The following C1orf74 variants were observed in gnomAD, a reference collection of about 807,000 sequenced individuals.
The protein encoded by C1orf74 is UPF0739 protein C1orf74.
A neutral mutation model predicts 7.3 loss-of-function variants in C1orf74; 5 were observed. The observed-to-expected ratio is 0.68, with a 90% confidence interval of 0.36 to 1.44. C1orf74 has a LOEUF of 1.44. C1orf74 is among the 40% of genes most tolerant of loss of function. The probability of loss-of-function intolerance (pLI) is 0.04; values close to 1 mark genes in which losing one functional copy is unlikely to be tolerated. For missense variants in C1orf74, 291 were observed against 314.3 expected (o/e 0.93, Z 0.56); for synonymous variants, 121 against 132.5 (o/e 0.91, Z 0.59).
Position 209,782,877 on chromosome 1 carries a change from G to A in C1orf74, c.758C>T (p.Ala253Val), listed in dbSNP as rs2077805756. The A allele has an allele frequency of 3.7e-6, 6 of 1,614,032 alleles. No homozygotes were observed. The highest frequency in any genetic ancestry group is 2.5e-6 in the Non-Finnish European group (3 of 1,180,036). Residue 253 changes from alanine to valine, a missense_variant, in exon 2 of 2, where the codon GCT becomes GTT. By Grantham distance (64) the Ala-to-Val change is moderately conservative (BLOSUM62 0). Coordinates refer to ENST00000294811, the MANE Select transcript of C1orf74 (RefSeq NM_152485.4). Reference sequence around the variant, plus strand: ...TATCTCAGAGGAGATGCTGAGATCAGCAAAGTCATTCTGAGTCCTAAATCG... The same window carrying A: ...TATCTCAGAGGAGATGCTGAGATCAACAAAGTCATTCTGAGTCCTAAATCG... ...RTRFRTQNDF[A>V]DLSISSEIVT... is the part of the protein sequence containing the mutation.
chr1:209,783,899 C>A (rs1015024220), intron 1 of C1orf74, among the ~76,000 whole-genome samples, 190 bp from the exon 2 acceptor site: 1 of 152,064 alleles, frequency 6.6e-6, no homozygotes, highest in Non-Finnish European at 1.5e-5. Flanking sequence ...GTTTTTCTAG[C>A]CTTATAGCTA....
In C1orf74 at chr1:209,780,203, C is replaced by A; in HGVS notation, c.*2622G>T. On this transcript the variant is annotated 3_prime_UTR_variant, in exon 2 of 2. Coordinates refer to ENST00000294811, the MANE Select transcript of C1orf74 (RefSeq NM_152485.4). ...ATGAAATTCAATTAAGAAGTATTCA[C>A]TAAAACTATCTAGCACTAGATAAGA... 1 of 248,636 alleles carries A rather than the reference C, an allele frequency of 4.0e-6. No homozygotes were observed. Among genetic ancestry groups the A allele is most frequent in the African/African-American group, 2.2e-5 (1 of 45,028 alleles). The allele number at this position is 248,636 out of a possible 1,614,324, so 15.4% of individuals were successfully genotyped here. A position where few individuals can be genotyped will look rare whatever the true frequency, so the allele number is the denominator to read the frequency against.
chr1:209,781,688 TAGC>T lies in C1orf74; in HGVS notation c.*1134_*1136del. ...AATGCCAGAAGGAAAGACTTACTCTTAGCTAAAGTATGAAAGGGTGTTCTTTTA... is the reference window on the plus strand; with the variant it reads ...AATGCCAGAAGGAAAGACTTACTCTTTAAAGTATGAAAGGGTGTTCTTTTA... On this transcript the variant is annotated 3_prime_UTR_variant, in exon 2 of 2. Coordinates refer to ENST00000294811, the MANE Select transcript of C1orf74 (RefSeq NM_152485.4). 2.0e-6 allele frequency: 1 copy of T among 501,146 alleles called. No homozygotes were observed. Among genetic ancestry groups the T allele is most frequent in the Non-Finnish European group, 3.6e-6 (1 of 278,452 alleles). The allele number at this position is 501,146 out of a possible 1,614,324, so 31.0% of individuals were successfully genotyped here. A position where few individuals can be genotyped will look rare whatever the true frequency, so the allele number is the denominator to read the frequency against.
In C1orf74 at chr1:209,780,484, G is replaced by T. The variant is rs758375285; in HGVS notation, c.*2341C>A. The T allele has an allele frequency of 1.9e-6, 3 of 1,592,492 alleles. No homozygotes were observed. The highest frequency in any genetic ancestry group is 1.7e-5 in the Admixed American group (1 of 58,182). ...TGCTTTTTTAGATCAGGCTTTGCCC[G>T]TGTGGAGTCCAAAGTCCTTCCCTAA... On this transcript the variant is annotated 3_prime_UTR_variant, in exon 2 of 2. Transcript: ENST00000294811.
Position 209,779,452 on chromosome 1 carries a change from G to A in C1orf74, c.*3373C>T. 5.5e-6 allele frequency: 7 copies of A among 1,276,678 alleles called. No individual in the cohort carries two copies. The highest frequency in any genetic ancestry group is 8.0e-6 in the Non-Finnish European group (7 of 876,822). The allele number at this position is 1,276,678 out of a possible 1,614,324, so 79.1% of individuals were successfully genotyped here. On this transcript the variant is annotated 3_prime_UTR_variant, in exon 2 of 2. Coordinates refer to ENST00000294811, the MANE Select transcript of C1orf74 (RefSeq NM_152485.4). ...CTAGAGGCAGCGGGATGGACTACAT[G>A]ACCTCCTGGAGTCCCAGCCAGTTCT...
rs2077736213 is a variant in C1orf74, at chr1:209,779,718, C to G, written c.*3107G>C. 1.7e-6 allele frequency: 1 copy of G among 584,440 alleles called. No individual in the cohort carries two copies. Among genetic ancestry groups the G allele is most frequent in the Non-Finnish European group, 3.0e-6 (1 of 329,952 alleles). 36.2% of individuals were successfully genotyped at this position (584,440 alleles called of 1,614,324 possible). A position where few individuals can be genotyped will look rare whatever the true frequency, so the allele number is the denominator to read the frequency against. The stretch of plus-strand genomic sequence containing the variant: ...TCACATCCAACTCCCCAGCCCCAAA[C>G]CACATAGCAGTCCAGAGTCAACTCA... On this transcript the variant is annotated 3_prime_UTR_variant, in exon 2 of 2. Coordinates refer to ENST00000294811, the MANE Select transcript of C1orf74 (RefSeq NM_152485.4).
Position 209,783,164 on chromosome 1 carries a change from G to C in C1orf74, c.471C>G (p.Val157=), listed in dbSNP as rs755236492. Residue 157 remains valine, a synonymous_variant, in exon 2 of 2, where the codon GTC becomes GTG. Transcript: ENST00000294811. ...QGLQRDLSLA[V]SYSRLHSSDW... ...CTGAGGAATGGAGCCTGCTGTAGGAGACTGCTAGAGATAAGTCCCTCTGCA... is the reference window on the plus strand; with the variant it reads ...CTGAGGAATGGAGCCTGCTGTAGGACACTGCTAGAGATAAGTCCCTCTGCA... 8.7e-6 allele frequency: 14 copies of C among 1,614,046 alleles called. No individual in the cohort carries two copies. Among genetic ancestry groups the C allele is most frequent in the Admixed American group, 8.3e-5 (5 of 60,006 alleles).
rs1252186576 is a variant in C1orf74 at position 209,779,437 on chromosome 1, C to T, written c.*3388G>A. The T allele has an allele frequency of 7.0e-7, 1 of 1,426,684 alleles. No individual in the cohort carries two copies. The allele number at this position is 1,426,684 out of a possible 1,614,324, so 88.4% of individuals were successfully genotyped here. A position where few individuals can be genotyped will look rare whatever the true frequency, so the allele number is the denominator to read the frequency against. ...TCTTCTCTTACCTGCCTAGAGGCAG[C>T]GGGATGGACTACATGACCTCCTGGA... On this transcript the variant is annotated 3_prime_UTR_variant, in exon 2 of 2. Coordinates refer to ENST00000294811, the MANE Select transcript of C1orf74 (RefSeq NM_152485.4).
At position 209,779,221 on chromosome 1, in the gene C1orf74, T is replaced by G; in HGVS notation, c.*3604A>C. The G allele has an allele frequency of 1.0e-6, 1 of 986,432 alleles. No individual in the cohort carries two copies. The allele number at this position is 986,432 out of a possible 1,614,324, so 61.1% of individuals were successfully genotyped here. A position where few individuals can be genotyped will look rare whatever the true frequency, so the allele number is the denominator to read the frequency against. Reference sequence around the variant, plus strand: ...ATTCAACACACAGCAGATGGGAACATATTTAATAACCAAGGTTCTAAGCAA... The same window carrying G: ...ATTCAACACACAGCAGATGGGAACAGATTTAATAACCAAGGTTCTAAGCAA... On this transcript the variant is annotated 3_prime_UTR_variant, in exon 2 of 2. Coordinates refer to ENST00000294811, the MANE Select transcript of C1orf74 (RefSeq NM_152485.4).
At chr1:209,784,276 C>T (rs1266727199) in intron 1 of C1orf74, 102 bp downstream of exon 1, 1 of 152,364 alleles carries the variant, frequency 6.6e-6, no homozygotes, top group Non-Finnish European at 1.5e-5. Context: ...TTCTGTCCGA[C>T]ATCAAGGACC....
chr1:209,783,069 T>C lies in C1orf74; in HGVS notation c.566A>G (p.Gln189Arg). Residue 189 changes from glutamine (Q) to arginine (R), a missense_variant, in exon 2 of 2, where the codon CAG (glutamine) becomes CGG (arginine). By Grantham distance (43) the Gln-to-Arg change is conservative. Coordinates refer to ENST00000294811, the MANE Select transcript of C1orf74 (RefSeq NM_152485.4). ...CAGAGCTAAGCAGTTGTCATCTCCC[T>C]GGTTCAGGTGAAAGGTATAGGGAAC... ...YPVPYTFHLN[Q>R]GDDNCLALTP... The C allele has an allele frequency of 6.2e-7, 1 of 1,614,198 alleles. No individual in the cohort carries two copies. The highest frequency in any genetic ancestry group is 8.5e-7 in the Non-Finnish European group (1 of 1,180,036).
chr1:209,779,343 T>G lies in C1orf74; in HGVS notation c.*3482A>C. ...TGCTTCAAAATCAATCCTTACAGCT[T>G]CAAGAACAGGAGAAACTCTTAACAA... On this transcript the variant is annotated 3_prime_UTR_variant, in exon 2 of 2. Transcript: ENST00000294811. 6.2e-7 allele frequency: 1 copy of G among 1,614,184 alleles called. No individual in the cohort carries two copies. The highest frequency in any genetic ancestry group is 8.5e-7 in the Non-Finnish European group (1 of 1,179,988).
In C1orf74 at chr1:209,779,796, TA is replaced by T. The variant is rs1344413989; in HGVS notation, c.*3028del. 2 of 428,790 alleles carry T rather than the reference TA, an allele frequency of 4.7e-6. No individual in the cohort carries two copies. The highest frequency in any genetic ancestry group is 8.4e-6 in the Non-Finnish European group (2 of 238,096). The allele number at this position is 428,790 out of a possible 1,614,324, so 26.6% of individuals were successfully genotyped here. A position where few individuals can be genotyped will look rare whatever the true frequency, so the allele number is the denominator to read the frequency against. ...ATGTTTCCTGAGAATTCACTGTGTA[TA>T]CAGAGGGGCAATAGCTCCTCACCTG... is the stretch of plus-strand genomic sequence containing the variant. On this transcript the variant is annotated 3_prime_UTR_variant, in exon 2 of 2. Transcript: ENST00000294811.
In C1orf74 at chr1:209,781,479, C is replaced by G. The variant is rs767972314; in HGVS notation, c.*1346G>C. ...CCAGAGTAAGAGGGTCTCTCCTTCC[C>G]ATAAAGCCCTGGATGATGGGACGAT... On this transcript the variant is annotated 3_prime_UTR_variant, in exon 2 of 2. Coordinates refer to ENST00000294811, the MANE Select transcript of C1orf74 (RefSeq NM_152485.4). 2 of 1,562,668 alleles carry G rather than the reference C, an allele frequency of 1.3e-6. No individual in the cohort carries two copies. Among genetic ancestry groups the G allele is most frequent in the South Asian group, 2.2e-5 (2 of 89,826 alleles).
chr1:209,781,655 G>A lies in C1orf74; in HGVS notation c.*1170C>T. On this transcript the variant is annotated 3_prime_UTR_variant, in exon 2 of 2. Coordinates refer to ENST00000294811, the MANE Select transcript of C1orf74 (RefSeq NM_152485.4). ...CGTCCATCAAAGCCCAACTTTCACA[G>A]AACTCTCAATGCCAGAAGGAAAGAC... The A allele has an allele frequency of 1.9e-6, 1 of 513,904 alleles. No homozygotes were observed. Among genetic ancestry groups the A allele is most frequent in the Non-Finnish European group, 3.5e-6 (1 of 286,268 alleles). 31.8% of individuals were successfully genotyped at this position (513,904 alleles called of 1,614,324 possible).
In C1orf74 at chr1:209,780,613, G is replaced by A; in HGVS notation, c.*2212C>T. 1.9e-6 allele frequency: 3 copies of A among 1,575,512 alleles called. No individual in the cohort carries two copies. The highest frequency in any genetic ancestry group is 2.3e-5 in the South Asian group (2 of 86,930). On this transcript the variant is annotated 3_prime_UTR_variant, in exon 2 of 2. Transcript: ENST00000294811. The stretch of plus-strand genomic sequence containing the variant: ...CCAGGCCAAGGAAAAGGAGGTGAGA[G>A]GGTGACCTGAGATAGTGAGGGCTCA...
Position 209,781,892 on chromosome 1 carries a change from T to C in C1orf74, c.*933A>G. 1.6e-6 allele frequency: 1 copy of C among 606,196 alleles called. No individual in the cohort carries two copies. Among genetic ancestry groups the C allele is most frequent in the East Asian group, 2.8e-5 (1 of 35,784 alleles). 37.6% of individuals were successfully genotyped at this position (606,196 alleles called of 1,614,324 possible). The stretch of plus-strand genomic sequence containing the variant: ...CCAGAGAACATTGGTTAAGTGGTTT[T>C]ATCCCAAGACAGGTGACAAAATGGG... On this transcript the variant is annotated 3_prime_UTR_variant, in exon 2 of 2. Transcript: ENST00000294811.
Position 209,783,619 on chromosome 1 carries a change from G to C in C1orf74, c.16C>G (p.Leu6Val), listed in dbSNP as rs764540458. 1 of 1,587,124 alleles carries C rather than the reference G, an allele frequency of 6.3e-7. No homozygotes were observed. The highest frequency in any genetic ancestry group is 8.6e-7 in the Non-Finnish European group (1 of 1,167,218). Reference sequence around the variant, plus strand: ...AGCTGAGGGCTCGGTGATGACATGAGATCTAGAAGCAACATCAAGAATGGC... The same window carrying C: ...AGCTGAGGGCTCGGTGATGACATGACATCTAGAAGCAACATCAAGAATGGC... MLLLD[L>V]MSSPSPQLLV... Residue 6 changes from leucine to valine, a missense_variant, in exon 2 of 2, where the codon CTC (leucine) becomes GTC (valine). Physicochemically the swap from Leu to Val is conservative, Grantham distance 32 (BLOSUM62 1). Coordinates refer to ENST00000294811, the MANE Select transcript of C1orf74 (RefSeq NM_152485.4).
Position 209,782,673 on chromosome 1 carries a change from C to A in C1orf74, c.*152G>T. On this transcript the variant is annotated 3_prime_UTR_variant, in exon 2 of 2. Coordinates refer to ENST00000294811, the MANE Select transcript of C1orf74 (RefSeq NM_152485.4). ...TACTAGCACCACCATTACCTATTTA[C>A]ATGCCCTTTGCATTTGTGGCCAACT... is the stretch of plus-strand genomic sequence containing the variant. 1 of 781,970 alleles carries A rather than the reference C, an allele frequency of 1.3e-6. No individual in the cohort carries two copies. The highest frequency in any genetic ancestry group is 2.1e-6 in the Non-Finnish European group (1 of 481,012). The allele number at this position is 781,970 out of a possible 1,614,324, so 48.4% of individuals were successfully genotyped here.
Sources: allele counts gnomAD v4.1 joint callset (sites outside exome capture counted in the v4.1 genomes callset), GRCh38; gene constraint gnomAD v4.1.1; transcripts MANE v1.5; gene names NCBI Gene and HGNC (gene_info 2026-07-23, HGNC 2026-07-21).